TNRC6A: variants seen among roughly 807,000 people sequenced by gnomAD.
The protein encoded by TNRC6A is trinucleotide repeat-containing gene 6A protein.
A neutral mutation model predicts 221.2 loss-of-function variants in TNRC6A; 44 were observed. That is an observed-to-expected ratio of 0.20 (90% confidence interval 0.16 to 0.26). The LOEUF (loss-of-function observed/expected upper bound fraction) is 0.26, where lower values mean the gene tolerates loss of function less well. TNRC6A is among the 10% of genes least tolerant of loss of function. The pLI, the probability that TNRC6A is intolerant of heterozygous loss-of-function variation, is 1.00. For synonymous variants in TNRC6A, 847 were observed against 838.5 expected, an observed-to-expected ratio of 1.01 and a Z score of -0.18; for missense variants, 2,199 against 2,404.4, an observed-to-expected ratio of 0.91 and a Z score of 1.79.
rs1023350642 is a variant in TNRC6A at position 24,760,138 on chromosome 16, G to T, written c.163+1778G>T. ...TCTTAGCTCTTTCATGTTCATTCTT[G>T]TTTCTTTTTTATTCAATTTATCAGC... On this transcript the variant is annotated intron_variant, in intron 4 of 24. Transcript: ENST00000395799. 3.3e-5 allele frequency among the ~76,000 whole-genome samples: 5 copies of T among 151,500 alleles called. No individual in the cohort carries two copies. The South Asian group carries it at 8.3e-4, about 25-fold the overall frequency.
intron 2 of TNRC6A, among the ~76,000 whole-genome samples, chr16:24,670,534 G>GTAA (rs2055274352): frequency 6.6e-6 from 1 of 152,156 alleles, no homozygotes; most frequent in Admixed American, 6.6e-5. Context: ...TGATGTCTTA[G>GTAA]TAATGTAAAA....
At chr16:24,785,382 A>G (rs2057944012) in intron 5 of TNRC6A, among the ~76,000 whole-genome samples, 1 of 152,212 alleles carries the variant, frequency 6.6e-6, no homozygotes, top group South Asian at 2.1e-4. Flanking sequence ...CTTCACTTTC[A>G]AGTGTCTTCT....
intron 5 of TNRC6A, among the ~76,000 whole-genome samples, chr16:24,780,148 C>T (rs1233705855): frequency 2.0e-5 from 3 of 152,106 alleles, no homozygotes; most frequent in Non-Finnish European, 4.4e-5. Context: ...ATTTTTTATC[C>T]ACCTGACATG....
chr16:24,752,078 A>G (rs936673202), intron 3 of TNRC6A, among the ~76,000 whole-genome samples: 1 of 152,174 alleles, frequency 6.6e-6, no homozygotes, highest in Non-Finnish European at 1.5e-5. Context: ...GGCTTTGGGG[A>G]AAATGCTGAA....
chr16:24,704,683 A>AAAAAAAAAAAAAAAAAG (rs2056061173), intron 2 of TNRC6A, among the ~76,000 whole-genome samples: 1 of 145,080 alleles, frequency 6.9e-6, no homozygotes, highest in African/African-American at 2.6e-5. Flanking sequence ...AAAAAAAAAA[A>AAAAAAAAAAAAAAAAAG]AAAAAAAAAA....
intron 1 of TNRC6A, among the ~76,000 whole-genome samples, chr16:24,633,152 G>C (rs975482193): frequency 6.6e-6 from 1 of 152,080 alleles, no homozygotes; most frequent in African/African-American, 2.4e-5. Context: ...AACCTACCAA[G>C]CTTGCTCTGG....
At chr16:24,759,392 C>T (rs1277831606) in intron 4 of TNRC6A, among the ~76,000 whole-genome samples, 2 of 152,024 alleles carry the variant, frequency 1.3e-5, no homozygotes, top group Admixed American at 6.6e-5. Context: ...CTTTGTTTTA[C>T]GTTGTTTTCC....
rs200753810 is a variant in TNRC6A, at chr16:24,693,646, T to A, written n.402+52637T>A. ...CAGGCATGGTGTCATGCACCTGTCA[T>A]CCTAGCTACTCAGGAGACTGAGATG... On this transcript the variant is annotated intron_variant and non_coding_transcript_variant, in intron 2 of 2. Coordinates refer to the TNRC6A transcript ENST00000566108. 7.2e-5 allele frequency among the ~76,000 whole-genome samples: 11 copies of A among 152,002 alleles called. No individual in the cohort carries two copies. The East Asian group carries it at 2.1e-3, about 30-fold the overall frequency.
At chr16:24,718,813 G>A (rs1437407025) in intron 2 of TNRC6A, among the ~76,000 whole-genome samples, 1 of 151,976 alleles carries the variant, frequency 6.6e-6, no homozygotes, top group Admixed American at 6.6e-5. Context: ...GAGGCGGGCG[G>A]ATCACCTGAG....
intron 2 of TNRC6A, among the ~76,000 whole-genome samples, chr16:24,747,561 A>G (rs2057039433): frequency 6.6e-6 from 1 of 152,226 alleles, no homozygotes; most frequent in South Asian, 2.1e-4. Context: ...GGTAAATGAT[A>G]TAGTCAGATG....
intron 4 of TNRC6A, among the ~76,000 whole-genome samples, chr16:24,771,295 G>C (rs890351645): frequency 3.9e-5 from 6 of 152,134 alleles, no homozygotes; most frequent in Admixed American, 3.3e-4. Context: ...AGGACCTTGA[G>C]ACCAAAACAT....
intron 18 of TNRC6A, among the ~76,000 whole-genome samples, chr16:24,813,494 A>G (rs542959686): frequency 7.2e-5 from 11 of 152,314 alleles, no homozygotes; most frequent in African/African-American, 2.6e-4. Flanking sequence ...TGTTGCTGCA[A>G]AAGACATGAT....
rs1173172606 is a variant in TNRC6A, at chr16:24,823,557, G to A, written c.5639G>A (p.Ser1880Asn). Reference protein sequence around the residue: ...PGWQSLGSSQSRLGSLDCSHS... With the variant: ...PGWQSLGSSQNRLGSLDCSHS... ...TGGCAGTCTCTCGGGTCCAGCCAGA[G>A]CCGGCTGGGCTCCCTCGACTGTTCC... The change falls in exon 25 of 25, where the codon AGC (serine) becomes AAC (asparagine). Residue 1880 changes from serine to asparagine, a missense_variant. Ser to Asn is a conservative substitution (Grantham distance 46, BLOSUM62 1). Transcript: ENST00000395799. This position sits in a 1 kb window ranked among gnomAD's most constrained non-coding sequence, Gnocchi z 4.3. The A allele has an allele frequency of 9.3e-6, 15 of 1,614,056 alleles. No homozygotes were observed. The highest frequency in any genetic ancestry group is 1.3e-5 in the Non-Finnish European group (15 of 1,180,032).
intron 1 of TNRC6A, among the ~76,000 whole-genome samples, chr16:24,626,400 C>T (rs543414869): frequency 1.1e-4 from 17 of 152,198 alleles, no homozygotes; most frequent in Non-Finnish European, 1.5e-4. Context: ...CCAGAAGCTG[C>T]CCGCATGACT....
chr16:24,804,854 A>C lies in TNRC6A; in HGVS notation c.3984+3A>C. The C allele has an allele frequency of 1.2e-6, 2 of 1,613,568 alleles. No homozygotes were observed. Among genetic ancestry groups the C allele is most frequent in the South Asian group, 2.2e-5 (2 of 90,878 alleles). On this transcript the variant is annotated splice_donor_region_variant and intron_variant, in intron 13 of 24. Transcript: ENST00000395799. ...AAAACTTGAATTCTGTTAGACAGGT[A>C]AGTCCAGATGTGTATTTTAGGCTCT... is the stretch of plus-strand genomic sequence containing the variant.
At chr16:24,647,398 G>A (rs1902352257) in intron 2 of TNRC6A, among the ~76,000 whole-genome samples, 1 of 151,986 alleles carries the variant, frequency 6.6e-6, no homozygotes, top group Admixed American at 6.6e-5. Flanking sequence ...CTCTAATCCT[G>A]ATAAAATAAA....
chr16:24,685,483 C>T (rs751717207), intron 2 of TNRC6A, among the ~76,000 whole-genome samples: 18 of 152,058 alleles, frequency 1.2e-4, no homozygotes, highest in Admixed American at 3.9e-4. Flanking sequence ...ATTACAGGCA[C>T]GCACCACAAT....
intron 2 of TNRC6A, among the ~76,000 whole-genome samples, chr16:24,650,656 C>T (rs1258641817): frequency 1.3e-5 from 2 of 149,988 alleles, no homozygotes; most frequent in Non-Finnish European, 3.0e-5. Context: ...TAGAGTGAGA[C>T]TCTGACTCAA....
chr16:24,804,576 C>G (rs1250527223), intron 12 of TNRC6A, 129 bp from the exon 13 acceptor site: 1 of 1,375,770 alleles, frequency 7.3e-7, no homozygotes, highest in Non-Finnish European at 9.8e-7. Flanking sequence ...AATCCGATCT[C>G]TTCTGTTTTC....
Sources: allele counts gnomAD v4.1 joint callset (sites outside exome capture counted in the v4.1 genomes callset), GRCh38; gene constraint gnomAD v4.1.1; non-coding constraint Gnocchi (gnomAD v3.1); transcripts MANE v1.5; gene names NCBI Gene and HGNC (gene_info 2026-07-23, HGNC 2026-07-21).